The following GALK2 variants were observed in gnomAD, a reference collection of about 807,000 sequenced individuals.
The protein encoded by GALK2 is galactokinase 2, also known as N-acetylgalactosamine kinase.
GALK2 carries 36 observed loss-of-function variants against 52.4 expected under a neutral mutation model. That is an observed-to-expected ratio of 0.69 (90% CI 0.53 to 0.91). The LOEUF is 0.91. Among genes scored for constraint, GALK2 ranks in the 40% least tolerant of loss-of-function variants. The probability of loss-of-function intolerance (pLI) is 0.00; values close to 1 mark genes in which losing one functional copy is unlikely to be tolerated. For missense variants in GALK2, 579 were observed against 559.1 expected, an observed-to-expected ratio of 1.04 and a Z score of -0.36; for synonymous variants, 176 against 199.1, an observed-to-expected ratio of 0.88 and a Z score of 0.98.
chr15:49,228,687 A>ATATATATACATATATT (rs1555409061), intron 3 of GALK2, among the ~76,000 whole-genome samples: 1 of 14,274 alleles, frequency 7.0e-5, no homozygotes, highest in African/African-American at 3.4e-4. Flanking sequence ...ATATATATAT[A>ATATATATACATATATT]TTTTTTTTTT....
chr15:49,193,024 A>G (rs1315346217), intron 1 of GALK2, among the ~76,000 whole-genome samples: 3 of 137,736 alleles, frequency 2.2e-5, no homozygotes, highest in African/African-American at 8.2e-5. Flanking sequence ...TTTTGATGGA[A>G]TCTCGCTCTG....
At chr15:49,258,580 C>T (rs2091916418) in intron 5 of GALK2, among the ~76,000 whole-genome samples, 1 of 151,970 alleles carries the variant, frequency 6.6e-6, no homozygotes, top group South Asian at 2.1e-4. Flanking sequence ...AACCACTGTG[C>T]TATACACCCA....
intron 5 of GALK2, among the ~76,000 whole-genome samples, chr15:49,242,934 G>T (rs2091168724): frequency 6.6e-6 from 1 of 152,246 alleles, no homozygotes; most frequent in African/African-American, 2.4e-5. Flanking sequence ...TTTATCTTTG[G>T]TAAGCCAAGG....
chr15:49,228,688 T>TATATATATATATATATGTA, intron 3 of GALK2, among the ~76,000 whole-genome samples: 1 of 10,442 alleles, frequency 9.6e-5, no homozygotes. Flanking sequence ...TATATATATA[T>TATATATATATATATATGTA]TTTTTTTTTT....
intron 8 of GALK2, among the ~76,000 whole-genome samples, chr15:49,318,551 AT>A (rs1180509568): frequency 6.6e-6 from 1 of 152,194 alleles, no homozygotes; most frequent in Non-Finnish European, 1.5e-5. Context: ...TATTTCAAAA[AT>A]GAATATAGCA....
chr15:49,225,520 C>T (rs543602922), intron 3 of GALK2, among the ~76,000 whole-genome samples: 4 of 152,292 alleles, frequency 2.6e-5, no homozygotes, highest in African/African-American at 9.6e-5. Flanking sequence ...TGAGGTAGAA[C>T]AGTTTCAACC....
chr15:49,328,035 C>G lies in GALK2; in HGVS notation c.1253C>G (p.Pro418Arg), dbSNP rs150920378. 2 of 1,613,976 alleles carry G rather than the reference C, an allele frequency of 1.2e-6. No individual in the cohort carries two copies. The highest frequency in any genetic ancestry group is 8.5e-7 in the Non-Finnish European group (1 of 1,179,900). Residue 418 changes from proline to arginine, a missense_variant, in exon 10 of 10, where the codon CCC becomes CGC. Physicochemically the swap from Pro to Arg is moderately radical, Grantham distance 103. Coordinates refer to ENST00000560031, the MANE Select transcript of GALK2 (RefSeq NM_002044.4). ...TCAATGGTACCTGCGGACAAGCTGC[C>G]CAGCTTTCTAGCAAATGTGCACAAA... The part of the protein sequence containing the change: ...TVSMVPADKL[P>R]SFLANVHKAY...
chr15:49,229,861 G>A (rs930758586), intron 3 of GALK2, among the ~76,000 whole-genome samples: 5 of 152,070 alleles, frequency 3.3e-5, no homozygotes, highest in Non-Finnish European at 5.9e-5. Context: ...GCGTTTCCTC[G>A]GGGCACTTGA....
At chr15:49,261,017 T>C (rs889643322) in intron 5 of GALK2, among the ~76,000 whole-genome samples, 1 of 151,914 alleles carries the variant, frequency 6.6e-6, no homozygotes, top group African/African-American at 2.4e-5. Context: ...TCCAGCTTTG[T>C]ACTTTTGGCT....
chr15:49,194,886 T>C (rs915961704), intron 1 of GALK2, among the ~76,000 whole-genome samples: 1 of 152,158 alleles, frequency 6.6e-6, no homozygotes, highest in Admixed American at 6.5e-5. Flanking sequence ...TAAGCCACCG[T>C]GCCTGGCTAC....
At chr15:49,354,352 G>A (rs1234795264) in intron 3 of GALK2, among the ~76,000 whole-genome samples, 1 of 152,182 alleles carries the variant, frequency 6.6e-6, no homozygotes, top group East Asian at 1.9e-4. Context: ...ATCTCACTAG[G>A]GAGTGCCAGA....
At chr15:49,318,816 G>A (rs1264425984) in intron 8 of GALK2, among the ~76,000 whole-genome samples, 3 of 152,120 alleles carry the variant, frequency 2.0e-5, no homozygotes, top group African/African-American at 7.2e-5. Flanking sequence ...TTTGGCTTCC[G>A]CCACATTCTG....
chr15:49,367,576 A>C lies in GALK2; in HGVS notation c.*40A>C, dbSNP rs770858827. 6 of 1,601,080 alleles carry C rather than the reference A, an allele frequency of 3.7e-6. No homozygotes were observed. In the South Asian group the frequency reaches 6.9e-5, roughly 18 times the overall value. Reference sequence around the variant, plus strand: ...GACCTCCAAAATTGAAGAGAACACGATTAAACTCTGGACCAGTACTACTAT... The same window carrying C: ...GACCTCCAAAATTGAAGAGAACACGCTTAAACTCTGGACCAGTACTACTAT... On this transcript the variant is annotated 3_prime_UTR_variant, in exon 4 of 4. Transcript: ENST00000558399.
intron 5 of GALK2, among the ~76,000 whole-genome samples, chr15:49,274,163 T>G (rs1014343233): frequency 5.9e-5 from 9 of 152,190 alleles, no homozygotes; most frequent in African/African-American, 2.2e-4. Flanking sequence ...GGTAATGGAC[T>G]GAGAAATGTG....
chr15:49,343,305 G>C (rs1225608604), intron 3 of GALK2, among the ~76,000 whole-genome samples: 1 of 151,754 alleles, frequency 6.6e-6, no homozygotes, highest in Non-Finnish European at 1.5e-5. Flanking sequence ...CTTCTGCTTG[G>C]AACAGTCTAT....
At chr15:49,301,954 C>T (rs550376849) in intron 8 of GALK2, among the ~76,000 whole-genome samples, 1 of 152,334 alleles carries the variant, frequency 6.6e-6, no homozygotes, top group Admixed American at 6.5e-5. Context: ...ACTTGTTATA[C>T]ACTTTATAGT....
Position 49,359,424 on chromosome 15 carries a change from C to T in GALK2, c.427-8067C>T, listed in dbSNP as rs1411491061. Among the ~76,000 whole-genome samples the T allele has an allele frequency of 1.3e-4, 15 of 119,260 alleles. 3 individuals are homozygous for T. Among genetic ancestry groups the T allele is most frequent in the African/African-American group, 2.3e-4 (7 of 30,892 alleles). The allele number at this position is 119,260 out of a possible 152,430, so 78.2% of individuals were successfully genotyped here. On this transcript the variant is annotated intron_variant, in intron 3 of 3. Transcript: ENST00000558399. ...ACAAACAACCCCATCAAATAGTGGG[C>T]GAAGGACATGAACAGACACTTCTCA...
chr15:49,159,556 A>G (rs2084575450), intron 1 of GALK2, among the ~76,000 whole-genome samples: 1 of 151,162 alleles, frequency 6.6e-6, no homozygotes, highest in African/African-American at 2.4e-5. Context: ...AGCCTGGGCG[A>G]CAGAACAAGA....
At chr15:49,216,852 T>C (rs2089419338) in intron 2 of GALK2, among the ~76,000 whole-genome samples, 1 of 152,214 alleles carries the variant, frequency 6.6e-6, no homozygotes, top group Non-Finnish European at 1.5e-5. Flanking sequence ...AGTTTCTCTG[T>C]CCATGCTGGA....
Sources: allele counts gnomAD v4.1 joint callset (sites outside exome capture counted in the v4.1 genomes callset), GRCh38; gene constraint gnomAD v4.1.1; transcripts MANE v1.5; gene names NCBI Gene and HGNC (gene_info 2026-07-23, HGNC 2026-07-21).